KIAA1217: variants seen among roughly 807,000 people sequenced by gnomAD.
The protein encoded by KIAA1217 is KIAA1217.
KIAA1217 carries 88 observed loss-of-function variants against 163.9 expected under a neutral mutation model. The ratio of observed to expected loss-of-function variants is 0.54; its 90% confidence interval spans 0.45 to 0.64. The LOEUF is 0.64. Among genes scored for constraint, KIAA1217 ranks in the 30% least tolerant of loss-of-function variants. KIAA1217 has a pLI of 0.00. For synonymous variants in KIAA1217, 903 were observed against 923.1 expected, an observed-to-expected ratio of 0.98 and a Z score of 0.39; for missense variants, 2,372 against 2,475.0, an observed-to-expected ratio of 0.96 and a Z score of 0.88.
chr10:24,069,793 G>T (rs971710186), intron 2 of KIAA1217, among the ~76,000 whole-genome samples: 2 of 152,122 alleles, frequency 1.3e-5, no homozygotes, highest in Admixed American at 1.3e-4. Context: ...TCATCTTACT[G>T]ATATTACTCC....
intron 1 of KIAA1217, among the ~76,000 whole-genome samples, chr10:23,951,962 C>T (rs974140377): frequency 6.6e-6 from 1 of 152,080 alleles, no homozygotes; most frequent in African/African-American, 2.4e-5. Flanking sequence ...TCTTAGGACT[C>T]CAGAGATCCA....
chr10:23,703,435 T>C (rs1836623913), intron 1 of KIAA1217, among the ~76,000 whole-genome samples: 2 of 152,140 alleles, frequency 1.3e-5, no homozygotes, highest in African/African-American at 2.4e-5. Flanking sequence ...TTCCCTGTTC[T>C]CTGATTTCTG....
At chr10:24,173,298 C>T (rs1174386968) in intron 2 of KIAA1217, among the ~76,000 whole-genome samples, 1 of 152,128 alleles carries the variant, frequency 6.6e-6, no homozygotes, top group East Asian at 1.9e-4. Flanking sequence ...GTAAAACAAG[C>T]TCAGGGCTCC....
At chr10:24,452,738 A>T (rs966879951) in intron 5 of KIAA1217, among the ~76,000 whole-genome samples, 3 of 152,028 alleles carry the variant, frequency 2.0e-5, no homozygotes, top group African/African-American at 7.2e-5. Context: ...GCACAACAGA[A>T]TGCCTATAGT....
chr10:24,219,854 A>G lies in KIAA1217; in HGVS notation c.299A>G (p.Lys100Arg). 1 of 1,613,580 alleles carries G rather than the reference A, an allele frequency of 6.2e-7. No homozygotes were observed. Among genetic ancestry groups the G allele is most frequent in the Non-Finnish European group, 8.5e-7 (1 of 1,179,706 alleles). Reference sequence around the variant, plus strand: ...GCGTTCCTAGAACATCTGAAGCAGAAGTACCCCCACCACGCCTCTGCAATC... The same window carrying G: ...GCGTTCCTAGAACATCTGAAGCAGAGGTACCCCCACCACGCCTCTGCAATC... The part of the protein sequence containing the change: ...REAFLEHLKQ[K>R]YPHHASAIMG... Residue 100 changes from lysine (K) to arginine (R), a missense_variant, in exon 2 of 21, where the codon AAG (lysine) becomes AGG (arginine). Coordinates refer to ENST00000376454, the MANE Select transcript of KIAA1217 (RefSeq NM_019590.5).
At chr10:24,449,406 T>C (rs2061222556) in intron 5 of KIAA1217, 4 of 949,312 alleles carry the variant, frequency 4.2e-6, no homozygotes, top group African/African-American at 1.8e-5. Context: ...GTTTCCTTGA[T>C]ATGGCTTGCA....
At chr10:24,273,244 C>T (rs916360866) in intron 2 of KIAA1217, among the ~76,000 whole-genome samples, 2 of 152,162 alleles carry the variant, frequency 1.3e-5, no homozygotes, top group African/African-American at 4.8e-5. Context: ...AGAGATCAGA[C>T]TCTTATTAAC....
intron 1 of KIAA1217, among the ~76,000 whole-genome samples, chr10:23,858,147 G>T (rs1190699344): frequency 6.6e-6 from 1 of 152,068 alleles, no homozygotes; most frequent in Non-Finnish European, 1.5e-5. Context: ...GCCAAGGCCG[G>T]ATCTTCTTTC....
At chr10:24,482,386 C>A (rs2064829871) in intron 6 of KIAA1217, 1 of 149,558 alleles carries the variant, frequency 6.7e-6, no homozygotes, top group Admixed American at 6.7e-5. Context: ...GGTCCTTTGC[C>A]AACTAGAACT....
At chr10:24,514,960 C>A (rs7072660) in intron 10 of KIAA1217, among the ~76,000 whole-genome samples, 45,076 of 151,540 alleles carry the variant, frequency 0.3, 7,002 homozygotes, top group Middle Eastern at 0.4. Context: ...CCACTGCACT[C>A]CAGCCTGGGC....
At chr10:24,207,282 T>TCTCACACACACACACACACACA (rs529791287), upstream of KIAA1217, among the ~76,000 whole-genome samples, 1 of 140,166 alleles carries the variant, frequency 7.1e-6, no homozygotes, top group African/African-American at 2.9e-5. Flanking sequence ...TCTCTCTCTC[T>TCTCACACACACACACACACACA]CACACACACA....
At chr10:24,066,402 A>G (rs1346870493) in intron 2 of KIAA1217, among the ~76,000 whole-genome samples, 1 of 152,066 alleles carries the variant, frequency 6.6e-6, no homozygotes, top group African/African-American at 2.4e-5. Context: ...GCACTTATGA[A>G]GCTTAGTTTG....
In KIAA1217 at chr10:24,543,915, G is replaced by A. The variant is rs762672043; in HGVS notation, c.4645G>A (p.Val1549Met). The A allele has an allele frequency of 1.1e-5, 17 of 1,613,946 alleles. No homozygotes were observed. Among genetic ancestry groups the A allele is most frequent in the Admixed American group, 6.7e-5 (4 of 60,000 alleles). ...NRTELNKFSH[V>M]DSPNSECKGE... ...AACGGAGCTGAACAAGTTCAGCCAC[G>A]TGGATTCTCCAAATTCGGAATGCAA... is the stretch of plus-strand genomic sequence containing the variant. Residue 1549 changes from valine (V) to methionine (M), a missense_variant, in exon 19 of 21, where the codon GTG becomes ATG. This residue lies in a region of KIAA1217 where 690 missense variants were observed against 677.5 expected (regional missense o/e 1.02). Coordinates refer to ENST00000376454, the MANE Select transcript of KIAA1217 (RefSeq NM_019590.5).
At chr10:24,309,164 GGGAGGGAA>G (rs2042355585) in intron 2 of KIAA1217, among the ~76,000 whole-genome samples, 1 of 147,516 alleles carries the variant, frequency 6.8e-6, no homozygotes. Flanking sequence ...GAGGGAGGGA[GGGAGGGAA>G]GGAGGGAGAG....
intron 2 of KIAA1217, among the ~76,000 whole-genome samples, chr10:24,360,033 A>T (rs2049730421): frequency 7.8e-6 from 1 of 127,844 alleles, no homozygotes; most frequent in Non-Finnish European, 1.7e-5. Context: ...TCTTTAGGAT[A>T]TAATTACTTT....
At chr10:24,224,113 G>A (rs2070103430) in intron 2 of KIAA1217, among the ~76,000 whole-genome samples, 1 of 152,064 alleles carries the variant, frequency 6.6e-6, no homozygotes, top group African/African-American at 2.4e-5. Context: ...CAAAAAATGC[G>A]GGTGGCCCTT....
intron 1 of KIAA1217, among the ~76,000 whole-genome samples, chr10:23,704,172 G>GTGTGTGCATATATATA (rs1229370789): frequency 5.0e-5 from 2 of 39,948 alleles, no homozygotes; most frequent in Non-Finnish European, 8.3e-5. Context: ...GTGTGTGTGT[G>GTGTGTGCATATATATA]TATATATATA....
intron 2 of KIAA1217, among the ~76,000 whole-genome samples, chr10:24,043,362 T>C (rs1848754616): frequency 6.6e-6 from 1 of 152,210 alleles, no homozygotes; most frequent in East Asian, 1.9e-4. Flanking sequence ...CTAAAAAGTC[T>C]ATTTTATAAT....
At chr10:24,280,481 G>A (rs2077782917) in intron 2 of KIAA1217, among the ~76,000 whole-genome samples, 1 of 152,154 alleles carries the variant, frequency 6.6e-6, no homozygotes, top group African/African-American at 2.4e-5. Context: ...GATTGAAAAT[G>A]ACCTTTTCCG....
Sources: allele counts gnomAD v4.1 joint callset (sites outside exome capture counted in the v4.1 genomes callset), GRCh38; gene constraint gnomAD v4.1.1; regional missense constraint gnomAD v4.1.1; transcripts MANE v1.5; gene names NCBI Gene and HGNC (gene_info 2026-07-23, HGNC 2026-07-21).